The following TNR variants were observed in gnomAD, a reference collection of about 807,000 sequenced individuals.
The protein encoded by TNR is tenascin-R.
A neutral mutation model predicts 150.4 loss-of-function variants in TNR; 45 were observed. The ratio of observed to expected loss-of-function variants is 0.30; its 90% CI spans 0.24 to 0.38. TNR has a LOEUF of 0.38. Among genes scored for constraint, TNR ranks in the 10% least tolerant of loss-of-function variants. The probability of loss-of-function intolerance (pLI) is 1.00; values close to 1 mark genes in which losing one functional copy is unlikely to be tolerated. For synonymous variants in TNR, 687 were observed against 678.4 expected (o/e 1.01, Z -0.20); for missense variants, 1,544 against 1,759.1 (o/e 0.88, Z 2.19).
intron 18 of TNR, among the ~76,000 whole-genome samples, chr1:175,342,456 A>G (rs2227161): frequency 0.76 from 114,933 of 152,178 alleles, 43,596 homozygotes; most frequent in African/African-American, 0.81. Context: ...GGATGGAGGA[A>G]AGAGAGTGCT....
At chr1:175,512,233 G>A (rs1231384868) in intron 2 of TNR, among the ~76,000 whole-genome samples, 1 of 152,204 alleles carries the variant, frequency 6.6e-6, no homozygotes, top group Non-Finnish European at 1.5e-5. Flanking sequence ...AAGGAGTTAA[G>A]ATCCGTGACC....
chr1:175,699,816 T>C (rs1481214420), intron 1 of TNR, among the ~76,000 whole-genome samples: 1 of 152,002 alleles, frequency 6.6e-6, no homozygotes, highest in Non-Finnish European at 1.5e-5. Context: ...TTCCCTGATA[T>C]CTCCATACCT....
At chr1:175,513,858 C>A (rs1341493793) in intron 2 of TNR, among the ~76,000 whole-genome samples, 1 of 152,106 alleles carries the variant, frequency 6.6e-6, no homozygotes, top group Non-Finnish European at 1.5e-5. Context: ...ACATCTAATC[C>A]GCGGAAAATT....
intron 2 of TNR, among the ~76,000 whole-genome samples, chr1:175,447,904 C>T: frequency 6.6e-6 from 1 of 152,266 alleles, no homozygotes; most frequent in South Asian, 2.1e-4. Flanking sequence ...GGATTTAATG[C>T]GATAATCCGT....
Position 175,547,678 on chromosome 1 carries a change from G to C in TNR, c.-164-19309C>G, listed in dbSNP as rs1266241477. The stretch of plus-strand genomic sequence containing the variant: ...AAGAAGAAAGAAAGAAAGAAAGAGA[G>C]AGAGAAAGAAAGAAAAAAGAAAGAG... On this transcript the variant is annotated intron_variant, in intron 1 of 22. Transcript: ENST00000367674. Among the ~76,000 whole-genome samples, 3 of 151,668 alleles carry C rather than the reference G, an allele frequency of 2.0e-5. No homozygotes were observed. In the East Asian group the frequency reaches 5.8e-4, roughly 29 times the overall value.
intron 2 of TNR, among the ~76,000 whole-genome samples, chr1:175,505,127 C>T (rs1174599956): frequency 9.1e-6 from 1 of 110,304 alleles, no homozygotes; most frequent in East Asian, 2.7e-4. Flanking sequence ...CGTTTCCAAT[C>T]TGCAGCCCCC....
intron 1 of TNR, among the ~76,000 whole-genome samples, chr1:175,533,148 A>T (rs1253192788): frequency 1.3e-5 from 2 of 152,248 alleles, no homozygotes; most frequent in African/African-American, 4.8e-5. Context: ...ACAAATGAAA[A>T]GTGTAACATT....
intron 20 of TNR, among the ~76,000 whole-genome samples, chr1:175,331,077 C>CTTTCTTTCTTTCTTTCTTTCCTT (rs61033216): frequency 5.3e-5 from 5 of 94,246 alleles, no homozygotes; most frequent in East Asian, 3.4e-4. Context: ...TTCTTTCTTT[C>CTTTCTTTCTTTCTTTCTTTCCTT]CTTCTTTCTT....
At chr1:175,739,350 C>T (rs143345738) in intron 1 of TNR, among the ~76,000 whole-genome samples, 1 of 152,008 alleles carries the variant, frequency 6.6e-6, no homozygotes, top group African/African-American at 2.4e-5. Context: ...TGTGGAAGAC[C>T]CTATGTACAA....
chr1:175,637,554 T>C (rs751124557), intron 1 of TNR, among the ~76,000 whole-genome samples: 2 of 151,938 alleles, frequency 1.3e-5, no homozygotes, highest in Non-Finnish European at 1.5e-5. Flanking sequence ...AGAAAAAAAA[T>C]AGAGAATCCC....
intron 20 of TNR, 28 bp downstream of exon 20, chr1:175,335,683 T>G: frequency 6.3e-7 from 1 of 1,597,112 alleles, no homozygotes; most frequent in Non-Finnish European, 8.5e-7. Context: ...GAGAAGCACA[T>G]CAATGGAAAG....
At position 175,468,968 on chromosome 1, in the gene TNR, G is replaced by A. The variant is rs181003884; in HGVS notation, c.-64+59301C>T. Among the ~76,000 whole-genome samples the A allele has an allele frequency of 1.9e-3, 284 of 152,290 alleles. 1 individual carries two copies. Among genetic ancestry groups the A allele is most frequent in the African/African-American group, 6.4e-3 (268 of 41,556 alleles). The stretch of plus-strand genomic sequence containing the variant: ...GTAGCATCTTGGTGGCAGGGGAGGG[G>A]AGGGCAGACTTGAGAGATATTTAGG... On this transcript the variant is annotated intron_variant, in intron 2 of 22. Transcript: ENST00000367674.
At chr1:175,698,172 C>T (rs1283733257) in intron 1 of TNR, among the ~76,000 whole-genome samples, 7 of 152,188 alleles carry the variant, frequency 4.6e-5, no homozygotes, top group Non-Finnish European at 7.3e-5. Context: ...GTGGCACTTA[C>T]AATCTAGGTT....
At chr1:175,626,181 C>T (rs1021520379) in intron 1 of TNR, among the ~76,000 whole-genome samples, 2 of 152,176 alleles carry the variant, frequency 1.3e-5, no homozygotes, top group Non-Finnish European at 2.9e-5. Flanking sequence ...TCCAATTAAA[C>T]CTCTTCCTTT....
intron 2 of TNR, among the ~76,000 whole-genome samples, chr1:175,409,637 C>T (rs1365501672): frequency 6.6e-6 from 1 of 152,106 alleles, no homozygotes; most frequent in South Asian, 2.1e-4. Flanking sequence ...TTGTTCTACT[C>T]TTTACTGCAC....
chr1:175,389,318 A>G (rs1653069384), intron 7 of TNR, among the ~76,000 whole-genome samples: 2 of 152,228 alleles, frequency 1.3e-5, no homozygotes, highest in South Asian at 2.1e-4. Flanking sequence ...CAGGGCAGGT[A>G]ATAGAAACTA....
chr1:175,484,530 T>TTCTC (rs140146268), intron 2 of TNR, among the ~76,000 whole-genome samples: 2 of 150,136 alleles, frequency 1.3e-5, no homozygotes, highest in African/African-American at 2.4e-5. Flanking sequence ...CTCCTAGTCT[T>TTCTC]TCTCTCTCTC....
intron 18 of TNR, among the ~76,000 whole-genome samples, chr1:175,348,423 G>A (rs1650900210): frequency 6.6e-6 from 1 of 152,110 alleles, no homozygotes; most frequent in Non-Finnish European, 1.5e-5. Flanking sequence ...AACTAAACTT[G>A]TTAAACTAAG....
Position 175,516,153 on chromosome 1 carries a change from G to A in TNR, c.-64+12116C>T, listed in dbSNP as rs377565911. ...TTCAAGTTTATTCCTCATTAATTCA[G>A]TAGTGGCTTTCTGTAACGTAGTGAT... On this transcript the variant is annotated intron_variant, in intron 2 of 22. Transcript: ENST00000367674. Among the ~76,000 whole-genome samples, 19 of 152,132 alleles carry A rather than the reference G, an allele frequency of 1.2e-4. 1 individual carries two copies. Among genetic ancestry groups the A allele is most frequent in the Admixed American group, 7.9e-4 (12 of 15,268 alleles).
Sources: allele counts gnomAD v4.1 joint callset (sites outside exome capture counted in the v4.1 genomes callset), GRCh38; gene constraint gnomAD v4.1.1; transcripts MANE v1.5; gene names NCBI Gene and HGNC (gene_info 2026-07-23, HGNC 2026-07-21).